Variants in STXBP2 observed in about 807,000 individuals in gnomAD.
STXBP2 encodes the protein syntaxin-binding protein 2.
Under a neutral mutation model 72.2 loss-of-function variants are expected in STXBP2, and 47 were observed. The observed-to-expected ratio is 0.65, with a 90% CI of 0.51 to 0.83. The LOEUF (loss-of-function observed/expected upper bound fraction) is 0.83, where lower values mean the gene tolerates loss of function less well. STXBP2 is among the 40% of genes least tolerant of loss of function. STXBP2 has a pLI of 0.00. For synonymous variants in STXBP2, 367 were observed against 338.7 expected (o/e 1.08, Z -0.92); for missense variants, 702 against 807.6 (o/e 0.87, Z 1.58).
intron 1 of STXBP2, among the ~76,000 whole-genome samples, chr19:7,637,732 TG>T (rs1251067145): frequency 6.6e-6 from 1 of 151,910 alleles, no homozygotes; most frequent in African/African-American, 2.4e-5. Context: ...GGGGGAAGGG[TG>T]GAGGGCGCCT....
chr19:7,647,386 C>T lies in STXBP2; in HGVS notation c.1571C>T (p.Ala524Val). The T allele has an allele frequency of 6.2e-7, 1 of 1,613,546 alleles. No individual in the cohort carries two copies. The highest frequency in any genetic ancestry group is 1.7e-4 in the Middle Eastern group (1 of 6,038). The change falls in exon 18 of 19, where the codon GCT becomes GTT. Residue 524 changes from alanine to valine, a missense_variant. Physicochemically the swap from Ala to Val is moderately conservative, Grantham distance 64 (BLOSUM62 0). Transcript: ENST00000221283. Reference protein sequence around the residue: ...ARFGHWHKNKAGIEARAGPRL... With the variant: ...ARFGHWHKNKVGIEARAGPRL... ...TTCGGTCACTGGCACAAGAACAAGG[C>T]TGGCATAGAAGCCCGGGCGGGCCCC...
At chr19:7,638,574 C>T in intron 1 of STXBP2, 152 bp from the exon 2 acceptor site, 1 of 774,006 alleles carries the variant, frequency 1.3e-6, no homozygotes, top group South Asian at 1.6e-5. Flanking sequence ...TGCACTTTAG[C>T]CTAGGTGACA....
rs746338532 is a variant in STXBP2 at position 7,643,218 on chromosome 19, G to A, written c.1080G>A (p.Ser360=). 8 of 1,613,844 alleles carry A rather than the reference G, an allele frequency of 5.0e-6. No homozygotes were observed. In the East Asian group the frequency reaches 6.7e-5, roughly 13 times the overall value. The change falls in exon 13 of 19, where the codon TCG becomes TCA. Residue 360 remains serine (S), a synonymous_variant. Coordinates refer to ENST00000221283, the MANE Select transcript of STXBP2 (RefSeq NM_006949.4). ...ADDCMKHFKG[S]VEKLCSVEQD... ...ATTGTATGAAGCACTTCAAGGGCTC[G>A]GTGGAGAAGCTGTGTAGTGTGGAGC...
intron 4 of STXBP2, 162 bp downstream of exon 4, chr19:7,639,969 T>C: frequency 1.2e-6 from 1 of 811,456 alleles, no homozygotes; most frequent in Non-Finnish European, 2.0e-6. Flanking sequence ...TGCATCTGTG[T>C]ATGCATGTGT....
At chr19:7,639,134 G>A in intron 3 of STXBP2, 34 bp downstream of exon 3, 2 of 1,608,766 alleles carry the variant, frequency 1.2e-6, no homozygotes, top group Middle Eastern at 1.7e-4. Flanking sequence ...GATGGGACCT[G>A]AGCGTGGGAA....
Position 7,640,951 on chromosome 19 carries a change from T to TCA in STXBP2, c.377_378insCA (p.Val127ArgfsTer2). ...CTAGGCCGCTCTCGTCTGGCAAAGGTGGTGAAGACGTTGAAGGAGATTCAC... is the reference window on the plus strand; with the variant it reads ...CTAGGCCGCTCTCGTCTGGCAAAGGTCAGGTGAAGACGTTGAAGGAGATTCAC... On this transcript the variant is annotated frameshift_variant, in exon 6 of 19. Coordinates refer to ENST00000221283, the MANE Select transcript of STXBP2 (RefSeq NM_006949.4). LOFTEE classifies it high-confidence loss of function. The TCA allele has an allele frequency of 6.2e-7, 1 of 1,614,140 alleles. No homozygotes were observed. The highest frequency in any genetic ancestry group is 1.3e-5 in the African/African-American group (1 of 75,032).
At chr19:7,633,631 G>C, upstream of STXBP2, 1 of 650,956 alleles carries the variant, frequency 1.5e-6, no homozygotes, top group Non-Finnish European at 2.6e-6. Flanking sequence ...CCAGATAATT[G>C]TTTGCCCACA....
chr19:7,636,327 G>A (rs925902868), upstream of STXBP2: 3 of 152,194 alleles, frequency 2.0e-5, no homozygotes, highest in Admixed American at 6.5e-5. Flanking sequence ...CCTTCCAAGC[G>A]ACAGGACACA....
intron 4 of STXBP2, chr19:7,640,324 GC>G: frequency 1.8e-6 from 1 of 551,334 alleles, no homozygotes; most frequent in Non-Finnish European, 3.4e-6. Flanking sequence ...ATCTGTGTGT[GC>G]GTGTGTATGC....
chr19:7,640,074 GTGTC>G (rs916859079), intron 4 of STXBP2: 54 of 629,860 alleles, frequency 8.6e-5, no homozygotes, highest in Admixed American at 1.9e-4. Context: ...GTATGCGTGT[GTGTC>G]TGTGGGTCTG....
chr19:7,632,740 C>T (rs572641719), upstream of STXBP2: 45 of 1,563,766 alleles, frequency 2.9e-5, no homozygotes, highest in African/African-American at 4.1e-5. This position sits in a 1 kb window ranked among gnomAD's most constrained non-coding sequence, Gnocchi z 5.2. Context: ...TGGCCCGGCC[C>T]GGCTTGCAGT....
upstream of STXBP2, among the ~76,000 whole-genome samples, chr19:7,634,182 A>G (rs1264068240): frequency 1.3e-5 from 2 of 152,190 alleles, no homozygotes; most frequent in Admixed American, 1.3e-4. Context: ...ACAGGAGGCG[A>G]GACTCCCTGG....
chr19:7,641,117 C>A, intron 6 of STXBP2, 114 bp downstream of exon 6: 1 of 1,140,982 alleles, frequency 8.8e-7, no homozygotes, highest in Non-Finnish European at 1.3e-6. Flanking sequence ...GTAATCCCAG[C>A]GCTGTGGGAG....
chr19:7,647,141 A>G, intron 16 of STXBP2, 21 bp from the exon 17 acceptor site: 3 of 1,610,472 alleles, frequency 1.9e-6, no homozygotes, highest in Non-Finnish European at 2.5e-6. Context: ...TTCCTCCCCT[A>G]ACCTGCCTCT....
chr19:7,646,270 C>A lies in STXBP2; in HGVS notation c.1378C>A (p.Leu460Met), dbSNP rs1599406352. Residue 460 changes from leucine to methionine, a missense_variant, in exon 16 of 19, where the codon CTG (leucine) becomes ATG (methionine). Leu to Met is a conservative substitution (Grantham distance 15, BLOSUM62 2). Coordinates refer to ENST00000221283, the MANE Select transcript of STXBP2 (RefSeq NM_006949.4). ...GTAGGGCTCGGGGACCTCCAGCCGGCTGGAGCCGAGAGAACGCATGGAGCC... is the reference window on the plus strand; with the variant it reads ...GTAGGGCTCGGGGACCTCCAGCCGGATGGAGCCGAGAGAACGCATGGAGCC... ...NPGGSGTSSRLEPRERMEPTY... is the reference protein window; with the variant it reads ...NPGGSGTSSRMEPRERMEPTY... The A allele has an allele frequency of 1.2e-6, 2 of 1,609,328 alleles. No homozygotes were observed. The highest frequency in any genetic ancestry group is 4.5e-5 in the East Asian group (2 of 44,652).
In STXBP2 at chr19:7,645,276, G is replaced by A. The variant is rs1350860232; in HGVS notation, c.1326G>A (p.Glu442=). The A allele has an allele frequency of 6.3e-7, 1 of 1,587,102 alleles. No homozygotes were observed. The highest frequency in any genetic ancestry group is 1.8e-5 in the Admixed American group (1 of 56,724). ...ACAGCAGCCTCATCCGTAACCTGGA[G>A]CAGCTGGGAGGCACTGTCACCAACC... ...QAHSSLIRNL[E]QLGGTVTNPG... is the part of the protein sequence containing the mutation. The change falls in exon 15 of 19, where the codon GAG becomes GAA. Residue 442 remains glutamate (E), a synonymous_variant. Coordinates refer to ENST00000221283, the MANE Select transcript of STXBP2 (RefSeq NM_006949.4).
chr19:7,631,136 A>G, the STXBP2 span: 1 of 848,112 alleles, frequency 1.2e-6, no homozygotes, highest in Non-Finnish European at 1.7e-6. Context: ...TGAACCCAGG[A>G]GGTGGAGGTT....
chr19:7,639,047 G>T lies in STXBP2; in HGVS notation c.116G>T (p.Arg39Leu). Reference sequence around the variant, plus strand: ...CTTATCATGGATCACCCAAGCATGCGCATCTTGTCTTCCTGCTGCAAAATG... The same window carrying T: ...CTTATCATGGATCACCCAAGCATGCTCATCTTGTCTTCCTGCTGCAAAATG... ...KVLIMDHPSM[R>L]ILSSCCKMSD... The change falls in exon 3 of 19, where the codon CGC (arginine) becomes CTC (leucine). Residue 39 changes from arginine (R) to leucine (L), a missense_variant. Coordinates refer to ENST00000221283, the MANE Select transcript of STXBP2 (RefSeq NM_006949.4). 6.2e-7 allele frequency: 1 copy of T among 1,614,230 alleles called. No individual in the cohort carries two copies. Among genetic ancestry groups the T allele is most frequent in the Non-Finnish European group, 8.5e-7 (1 of 1,180,038 alleles).
intron 1 of STXBP2, 30 bp downstream of exon 1, chr19:7,637,216 CGTCCGGTGTGGGACGGGG>C: frequency 8.1e-7 from 1 of 1,236,926 alleles, no homozygotes; most frequent in East Asian, 3.2e-5. Flanking sequence ...CGGGCTCTGG[CGTCCGGTGTGGGACGGGG>C]GTCGGGGACG....
Sources: allele counts gnomAD v4.1 joint callset (sites outside exome capture counted in the v4.1 genomes callset), GRCh38; gene constraint gnomAD v4.1.1; non-coding constraint Gnocchi (gnomAD v3.1); transcripts MANE v1.5; gene names NCBI Gene and HGNC (gene_info 2026-07-23, HGNC 2026-07-21).